ITLN1: variants seen among roughly 807,000 people sequenced by gnomAD.
ITLN1 encodes the protein intelectin 1.
Under a neutral mutation model 36.2 loss-of-function variants are expected in ITLN1, and 29 were observed. The ratio of observed to expected loss-of-function variants is 0.80; its 90% CI spans 0.60 to 1.09. The LOEUF (loss-of-function observed/expected upper bound fraction) is 1.09. Ranked by LOEUF, ITLN1 falls within the 50% of genes least tolerant of loss-of-function variation. The pLI, the probability that ITLN1 is intolerant of heterozygous loss-of-function variation, is 0.00. For missense variants in ITLN1, 358 were observed against 405.2 expected, an observed-to-expected ratio of 0.88 and a Z score of 1.00; for synonymous variants, 143 against 146.5, an observed-to-expected ratio of 0.98 and a Z score of 0.17.
At chr1:160,884,780 T>G (rs1670730903) in intron 2 of ITLN1, 40 bp downstream of exon 2, 5 of 1,443,646 alleles carry the variant, frequency 3.5e-6, no homozygotes, top group Non-Finnish European at 4.9e-6. Flanking sequence ...CCGGAAGTCA[T>G]CCAGCTGAAG....
chr1:160,879,427 G>A lies in ITLN1; in HGVS notation c.686-13C>T. 6.2e-7 allele frequency: 1 copy of A among 1,604,470 alleles called. No homozygotes were observed. The highest frequency in any genetic ancestry group is 1.3e-5 in the African/African-American group (1 of 74,770). Reference sequence around the variant, plus strand: ...GCAGTGAATTCCCCTGAAAACAAGAGGCAGAAAACAGCATTCAAGGAAGAT... The same window carrying A: ...GCAGTGAATTCCCCTGAAAACAAGAAGCAGAAAACAGCATTCAAGGAAGAT... On this transcript the variant is annotated splice_polypyrimidine_tract_variant and intron_variant, in intron 6 of 7. Transcript: ENST00000326245.
chr1:160,879,364 C>A lies in ITLN1; in HGVS notation c.736G>T (p.Ala246Ser), dbSNP rs767741651. 2 of 1,614,202 alleles carry A rather than the reference C, an allele frequency of 1.2e-6. No individual in the cohort carries two copies. Among genetic ancestry groups the A allele is most frequent in the Non-Finnish European group, 8.5e-7 (1 of 1,180,038 alleles). Residue 246 changes from alanine (A) to serine (S), a missense_variant, in exon 7 of 8, where the codon GCA becomes TCA. Physicochemically the swap from Ala to Ser is moderately conservative, Grantham distance 99 (BLOSUM62 1). Coordinates refer to ENST00000326245, the MANE Select transcript of ITLN1 (RefSeq NM_017625.3). ...VQFRVFNNERAANALCAGMRV... is the reference protein window; with the variant it reads ...VQFRVFNNERSANALCAGMRV... The stretch of plus-strand genomic sequence containing the variant: ...ATTCCAGCACACAAGGCGTTGGCTG[C>A]TCTCTCGTTATTAAATACCCTGAAC...
rs554760810 is a variant in ITLN1, at chr1:160,884,307, G to A, written c.58+513C>T. On this transcript the variant is annotated intron_variant, in intron 2 of 7. Coordinates refer to ENST00000326245, the MANE Select transcript of ITLN1 (RefSeq NM_017625.3). Reference sequence around the variant, plus strand: ...CTAGGGGAAAGCTGTGAGGTCAGAGGTGACTGACCTCAGTTTCCTCATACC... The same window carrying A: ...CTAGGGGAAAGCTGTGAGGTCAGAGATGACTGACCTCAGTTTCCTCATACC... Among the ~76,000 whole-genome samples, 3 of 152,258 alleles carry A rather than the reference G, an allele frequency of 2.0e-5. No homozygotes were observed. In the East Asian group the frequency reaches 5.8e-4, roughly 29 times the overall value.
At chr1:160,881,076 A>G in intron 5 of ITLN1, 78 bp downstream of exon 5, 1 of 1,464,496 alleles carries the variant, frequency 6.8e-7, no homozygotes, top group Non-Finnish European at 9.2e-7. Context: ...CCCATTAAAA[A>G]ATGACTCCTG....
At chr1:160,876,957 C>T (rs1044076511) in intron 7 of ITLN1, 141 bp from the exon 8 acceptor site, 1 of 888,574 alleles carries the variant, frequency 1.1e-6, no homozygotes, top group East Asian at 2.7e-5. Flanking sequence ...CCCATAAAAA[C>T]CTCTCTTCCT....
At chr1:160,877,510 T>C (rs909307951) in intron 7 of ITLN1, among the ~76,000 whole-genome samples, 2 of 151,968 alleles carry the variant, frequency 1.3e-5, no homozygotes, top group Non-Finnish European at 2.9e-5. Context: ...AAAGTCCAGC[T>C]TGGATCTCTA....
At position 160,880,603 on chromosome 1, in the gene ITLN1, A is replaced by G. The variant is rs1670659211; in HGVS notation, c.670T>C (p.Ser224Pro). ...GDAQKTASYY[S>P]PYGQREFTAG... is the part of the protein sequence containing the mutation. ...AAAGACTCACGCTGGCCATAGGGTG[A>G]GTAATAAGATGCTGTTTTCTGGGCG... is the stretch of plus-strand genomic sequence containing the variant. The change falls in exon 6 of 8, where the codon TCA becomes CCA. Residue 224 changes from serine to proline, a missense_variant. By Grantham distance (74) the Ser-to-Pro change is moderately conservative. Coordinates refer to ENST00000326245, the MANE Select transcript of ITLN1 (RefSeq NM_017625.3). 6.2e-7 allele frequency: 1 copy of G among 1,614,032 alleles called. No homozygotes were observed. The highest frequency in any genetic ancestry group is 8.5e-7 in the Non-Finnish European group (1 of 1,180,028).
In ITLN1 at chr1:160,876,644, G is replaced by A. The variant is rs1219861714; in HGVS notation, c.*20C>T. 9.9e-6 allele frequency: 16 copies of A among 1,613,306 alleles called. No homozygotes were observed. The highest frequency in any genetic ancestry group is 6.7e-5 in the East Asian group (3 of 44,882). On this transcript the variant is annotated 3_prime_UTR_variant, in exon 8 of 8. Coordinates refer to ENST00000326245, the MANE Select transcript of ITLN1 (RefSeq NM_017625.3). ...TCTCATGGTTGGGAGGAGAGGTCTGGGTTCCCTCCCACAAAACTCTCAACG... is the reference window on the plus strand; with the variant it reads ...TCTCATGGTTGGGAGGAGAGGTCTGAGTTCCCTCCCACAAAACTCTCAACG...
chr1:160,883,465 G>T lies in ITLN1; in HGVS notation c.120C>A (p.Ser40Arg), dbSNP rs1369324966. 2.5e-6 allele frequency: 4 copies of T among 1,613,750 alleles called. No homozygotes were observed. The East Asian group carries it at 8.9e-5, about 36-fold the overall frequency. Residue 40 changes from serine (S) to arginine (R), a missense_variant, in exon 3 of 8, where the codon AGC becomes AGA. Transcript: ENST00000326245. ...TCSSSPSLPR[S>R]CKEIKDECPS... Reference sequence around the variant, plus strand: ...GACATTCGTCTTTGATTTCCTTGCAGCTTCTGGGCAGAGATGGAGACGAAG... The same window carrying T: ...GACATTCGTCTTTGATTTCCTTGCATCTTCTGGGCAGAGATGGAGACGAAG...
At chr1:160,879,260 G>T in intron 7 of ITLN1, 51 bp downstream of exon 7, 2 of 1,317,780 alleles carry the variant, frequency 1.5e-6, no homozygotes, top group Non-Finnish European at 2.2e-6. Context: ...CAACACACAC[G>T]GACAAACTCG....
intron 4 of ITLN1, 132 bp downstream of exon 4, chr1:160,881,825 A>G: frequency 5.8e-5 from 62 of 1,065,960 alleles, no homozygotes; most frequent in Non-Finnish European, 7.5e-5. Flanking sequence ...AAAAAAAAAA[A>G]GATATAAGTA....
intron 7 of ITLN1, among the ~76,000 whole-genome samples, 182 bp from the exon 8 acceptor site, chr1:160,876,998 G>A (rs1286953732): frequency 2.0e-5 from 3 of 152,218 alleles, no homozygotes; most frequent in African/African-American, 7.2e-5. Flanking sequence ...AGCAGTCTGG[G>A]AGGCCGAAGA....
At chr1:160,879,520 A>G in intron 6 of ITLN1, 106 bp from the exon 7 acceptor site, 1 of 813,664 alleles carries the variant, frequency 1.2e-6, no homozygotes, top group Admixed American at 2.0e-5. Flanking sequence ...ACAGCCCAAC[A>G]CTCCAGCTGT....
In ITLN1 at chr1:160,881,266, T is replaced by A; in HGVS notation, c.452A>T (p.His151Leu). 1 of 1,611,974 alleles carries A rather than the reference T, an allele frequency of 6.2e-7. No homozygotes were observed. The highest frequency in any genetic ancestry group is 8.5e-7 in the Non-Finnish European group (1 of 1,178,884). ...CTGCATGGGGGACTTATTGGGCACGTGCCAGATGCCCAGGTCCTTGGCCTG... is the reference window on the plus strand; with the variant it reads ...CTGCATGGGGGACTTATTGGGCACGAGCCAGATGCCCAGGTCCTTGGCCTG... Reference protein sequence around the residue: ...DIQAKDLGIWHVPNKSPMQHW... With the variant: ...DIQAKDLGIWLVPNKSPMQHW... The change falls in exon 5 of 8, where the codon CAC becomes CTC. Residue 151 changes from histidine to leucine, a missense_variant. His to Leu is a moderately conservative substitution (Grantham distance 99). Transcript: ENST00000326245.
intron 7 of ITLN1, 151 bp downstream of exon 7, chr1:160,879,160 T>C: frequency 1.5e-6 from 1 of 668,452 alleles, no homozygotes. Flanking sequence ...CCCTGGCCCC[T>C]GAAGCTCAGC....
intron 7 of ITLN1, among the ~76,000 whole-genome samples, chr1:160,878,062 G>A (rs1670619060): frequency 6.6e-6 from 1 of 152,124 alleles, no homozygotes; most frequent in African/African-American, 2.4e-5. Flanking sequence ...CAGCTACTTG[G>A]GAGGCTGAGG....
chr1:160,879,245 C>T, intron 7 of ITLN1, 66 bp downstream of exon 7: 1 of 1,123,328 alleles, frequency 8.9e-7, no homozygotes, highest in Non-Finnish European at 1.4e-6. Context: ...CACACTCACA[C>T]ATACCAACAC....
In ITLN1 at chr1:160,880,658, C is replaced by T. The variant is rs772545679; in HGVS notation, c.615G>A (p.Pro205=). ...CAAAATCATAGACCACAGGGATCACCGGGCCGTTGTCAGTCCAACACTTTC... is the reference window on the plus strand; with the variant it reads ...CAAAATCATAGACCACAGGGATCACTGGGCCGTTGTCAGTCCAACACTTTC... ...GEGKCWTDNG[P]VIPVVYDFGD... The change falls in exon 6 of 8, where the codon CCG becomes CCA. Residue 205 remains proline (P), a synonymous_variant. Coordinates refer to ENST00000326245, the MANE Select transcript of ITLN1 (RefSeq NM_017625.3). The T allele has an allele frequency of 1.2e-5, 19 of 1,613,926 alleles. No individual in the cohort carries two copies. The highest frequency in any genetic ancestry group is 2.2e-5 in the South Asian group (2 of 91,074).
chr1:160,876,633 G>A lies in ITLN1; in HGVS notation c.*31C>T, dbSNP rs1233697872. ...CATCCTTGGGATCTCATGGTTGGGA[G>A]GAGAGGTCTGGGTTCCCTCCCACAA... On this transcript the variant is annotated 3_prime_UTR_variant, in exon 8 of 8. Coordinates refer to ENST00000326245, the MANE Select transcript of ITLN1 (RefSeq NM_017625.3). 4 of 1,611,104 alleles carry A rather than the reference G, an allele frequency of 2.5e-6. No individual in the cohort carries two copies.
Sources: gnomAD v4.1 joint callset for allele counts (sites outside exome capture counted in the v4.1 genomes callset) on GRCh38, gnomAD v4.1.1 for gene constraint, MANE v1.5 for transcripts, NCBI Gene and HGNC (gene_info 2026-07-23, HGNC 2026-07-21) for gene names.